DOCK5: variants seen among roughly 807,000 people sequenced by gnomAD.
DOCK5 encodes dedicator of cytokinesis protein 5.
A neutral mutation model predicts 251.8 loss-of-function variants in DOCK5; 142 were observed. The ratio of observed to expected loss-of-function variants is 0.56; its 90% CI spans 0.49 to 0.65. The LOEUF (loss-of-function observed/expected upper bound fraction) is 0.65. Ranked by LOEUF, DOCK5 falls within the 30% of genes least tolerant of loss-of-function variation. The probability of loss-of-function intolerance (pLI) is 0.00; values close to 1 mark genes in which losing one functional copy is unlikely to be tolerated. For missense variants in DOCK5, 2,111 were observed against 2,312.3 expected, an observed-to-expected ratio of 0.91 and a Z score of 1.79; for synonymous variants, 842 against 835.5, an observed-to-expected ratio of 1.01 and a Z score of -0.13.
chr8:25,273,769 C>A (rs2117122501), intron 3 of DOCK5, among the ~76,000 whole-genome samples: 1 of 152,302 alleles, frequency 6.6e-6, no homozygotes, highest in East Asian at 1.9e-4. Flanking sequence ...AGTGTCCTGT[C>A]TACTGTGCCC....
At chr8:25,273,029 A>C (rs1305526197) in intron 3 of DOCK5, among the ~76,000 whole-genome samples, 1 of 152,084 alleles carries the variant, frequency 6.6e-6, no homozygotes, top group East Asian at 1.9e-4. Flanking sequence ...ATCCCAGTTT[A>C]GTTCCCCACA....
At chr8:25,320,717 T>C (rs1332839051) in intron 15 of DOCK5, among the ~76,000 whole-genome samples, 1 of 152,232 alleles carries the variant, frequency 6.6e-6, no homozygotes, top group East Asian at 1.9e-4. Flanking sequence ...ATTTCCCCTC[T>C]GAAGTATTAC....
intron 15 of DOCK5, among the ~76,000 whole-genome samples, chr8:25,320,289 A>G (rs1267013047): frequency 6.6e-6 from 1 of 152,152 alleles, no homozygotes; most frequent in Admixed American, 6.6e-5. Context: ...TAGAAAAAAA[A>G]ATTTTTTAAT....
chr8:25,279,599 T>G (rs1262017073), intron 5 of DOCK5, among the ~76,000 whole-genome samples: 1 of 151,860 alleles, frequency 6.6e-6, no homozygotes, highest in Non-Finnish European at 1.5e-5. Context: ...AACATTGGAA[T>G]CCACAAAGAC....
At chr8:25,196,136 T>G (rs1479433747) in intron 1 of DOCK5, among the ~76,000 whole-genome samples, 1 of 152,226 alleles carries the variant, frequency 6.6e-6, no homozygotes, top group Non-Finnish European at 1.5e-5. Context: ...GGACTTAGAA[T>G]CATAAATGTT....
At chr8:25,245,366 C>T (rs1204866955) in intron 2 of DOCK5, among the ~76,000 whole-genome samples, 1 of 152,066 alleles carries the variant, frequency 6.6e-6, no homozygotes, top group Non-Finnish European at 1.5e-5. Flanking sequence ...TACAGCTCTT[C>T]CAGTCTTATC....
intron 2 of DOCK5, among the ~76,000 whole-genome samples, chr8:25,246,704 TTGTGTGTGTGTGTGTGTGTGTG>T (rs55963570): frequency 2.1e-4 from 19 of 89,606 alleles, no homozygotes; most frequent in Admixed American, 6.9e-4. Context: ...CCATGTTAGT[TTGTGTGTGTGTGTGTGTGTGTG>T]TGTGTGTGTG....
At chr8:25,269,565 G>A (rs56965226) in intron 3 of DOCK5, among the ~76,000 whole-genome samples, 12 of 152,166 alleles carry the variant, frequency 7.9e-5, no homozygotes, top group African/African-American at 2.9e-4. Context: ...GGCACAGTTT[G>A]AAAAATACTG....
rs144282897 is a variant in DOCK5, at chr8:25,192,904, T to C, written c.43+7953T>C. On this transcript the variant is annotated intron_variant, in intron 1 of 51. Coordinates refer to ENST00000276440, the MANE Select transcript of DOCK5 (RefSeq NM_024940.8). ...ACTGAAAAAGAAAGCCTTATCTTTC[T>C]ACCACTACTTGCTGTAGAAAAGAAA... Among the ~76,000 whole-genome samples the C allele has an allele frequency of 4.8e-3, 736 of 152,334 alleles. 7 individuals carry two copies. The highest frequency in any genetic ancestry group is 0.02 in the Middle Eastern group (6 of 294).
intron 27 of DOCK5, among the ~76,000 whole-genome samples, chr8:25,358,532 CCTT>C (rs1018534309): frequency 4.6e-5 from 7 of 152,148 alleles, no homozygotes; most frequent in African/African-American, 1.7e-4. Context: ...GCCCTCCTCT[CCTT>C]CATGCTCAGT....
intron 16 of DOCK5, among the ~76,000 whole-genome samples, 189 bp downstream of exon 16, chr8:25,321,241 C>A (rs558729111): frequency 5.4e-4 from 83 of 152,294 alleles, no homozygotes; most frequent in African/African-American, 1.9e-3. Context: ...TGTGTTGTCA[C>A]TCTATATTAG....
chr8:25,385,330 A>G (rs990456605), intron 40 of DOCK5, among the ~76,000 whole-genome samples: 9 of 152,214 alleles, frequency 5.9e-5, no homozygotes, highest in African/African-American at 2.2e-4. Flanking sequence ...GCAGATGTTC[A>G]GAAAAGAGAT....
intron 29 of DOCK5, 138 bp downstream of exon 29, chr8:25,363,279 C>T: frequency 1.4e-6 from 1 of 704,238 alleles, no homozygotes; most frequent in Non-Finnish European, 2.4e-6. Context: ...TCCAGAGGTC[C>T]TAATTTATGT....
chr8:25,406,972 G>A (rs2709617), intron 48 of DOCK5, among the ~76,000 whole-genome samples: 137,275 of 152,132 alleles, frequency 0.9, 63,586 homozygotes, highest in East Asian at 1. Context: ...TTTGATGGCA[G>A]TTGACATTGC....
chr8:25,317,772 G>A (rs748642816), intron 14 of DOCK5, among the ~76,000 whole-genome samples: 38 of 152,050 alleles, frequency 2.5e-4, no homozygotes, highest in Non-Finnish European at 3.5e-4. Flanking sequence ...CACCACGCCC[G>A]GCTAATTTTT....
chr8:25,317,495 A>ACT (rs1586323792), intron 14 of DOCK5: 1 of 173,000 alleles, frequency 5.8e-6, no homozygotes, highest in East Asian at 1.5e-4. Flanking sequence ...CTCGAATAGC[A>ACT]TCAGAAAGCA....
At chr8:25,206,870 T>C (rs905289437) in intron 1 of DOCK5, among the ~76,000 whole-genome samples, 8 of 152,220 alleles carry the variant, frequency 5.3e-5, no homozygotes, top group African/African-American at 1.9e-4. Flanking sequence ...CCTGAAGCCA[T>C]GTGGAAGCCA....
At chr8:25,344,687 T>A (rs889138574) in intron 25 of DOCK5, among the ~76,000 whole-genome samples, 1 of 152,240 alleles carries the variant, frequency 6.6e-6, no homozygotes, top group Admixed American at 6.5e-5. Context: ...AGGTAATGCC[T>A]GCAAAAGGTT....
At chr8:25,391,028 C>G (rs1162489657) in intron 42 of DOCK5, among the ~76,000 whole-genome samples, 1 of 151,836 alleles carries the variant, frequency 6.6e-6, no homozygotes, top group African/African-American at 2.4e-5. Flanking sequence ...AGGCTGGTCT[C>G]AAACTCCTGA....
Sources: gnomAD v4.1 joint callset for allele counts (sites outside exome capture counted in the v4.1 genomes callset) on GRCh38, gnomAD v4.1.1 for gene constraint, MANE v1.5 for transcripts, NCBI Gene and HGNC (gene_info 2026-07-23, HGNC 2026-07-21) for gene names.